Variants in CHM observed in about 807,000 individuals in gnomAD.
CHM encodes the protein rab proteins geranylgeranyltransferase component A 1.
In CHM, 10 loss-of-function variants were observed where a neutral mutation model predicts 49.0. The observed-to-expected ratio is 0.20, with a 90% CI of 0.13 to 0.35. The LOEUF is 0.35. CHM is among the 10% of genes least tolerant of loss of function. The probability of loss-of-function intolerance (pLI) is 1.00; values close to 1 mark genes in which losing one functional copy is unlikely to be tolerated. For synonymous variants in CHM, 184 were observed against 167.5 expected, an observed-to-expected ratio of 1.10 and a Z score of -0.76; for missense variants, 455 against 478.4, an observed-to-expected ratio of 0.95 and a Z score of 0.46.
rs778383247 is a variant in CHM, at chrX:85,981,603, T to G, written c.189+134A>C. On this transcript the variant is annotated intron_variant, in intron 3 of 14. Coordinates refer to ENST00000357749, the MANE Select transcript of CHM (RefSeq NM_000390.4). The stretch of plus-strand genomic sequence containing the variant: ...GCTAAAAAGGTGACTTTACATATTT[T>G]TTGTAAAATAAGTGAATAAAAATAA... 1.5e-4 allele frequency: 71 copies of G among 486,515 alleles called. No homozygotes were observed. In the South Asian group the frequency reaches 2.5e-3, roughly 17 times the overall value. The allele number at this position is 486,515 out of a possible 1,213,427, so 40.1% of individuals were successfully genotyped here. A position where few individuals can be genotyped will look rare whatever the true frequency, so the allele number is the denominator to read the frequency against.
chrX:85,927,364 A>G (rs1928156624), intron 8 of CHM, among the ~76,000 whole-genome samples: 1 of 112,022 alleles, frequency 8.9e-6, no homozygotes. Flanking sequence ...GTAAAAAAAT[A>G]CAAAACTCAG....
rs149195114 is a variant in CHM, at chrX:85,892,026, T to A, written c.1510+2162A>T. Among the ~76,000 whole-genome samples the A allele has an allele frequency of 9.4e-3, 1,050 of 111,854 alleles. 10 individuals carry two copies. Among genetic ancestry groups the A allele is most frequent in the African/African-American group, 0.031 (962 of 30,753 alleles). On this transcript the variant is annotated intron_variant, in intron 12 of 14. Coordinates refer to ENST00000357749, the MANE Select transcript of CHM (RefSeq NM_000390.4). ...TGCCCCGCTGGAATTTGGACTTGCA[T>A]GGGGCCTGTAAACCCTTTGTTTTGG...
intron 2 of CHM, among the ~76,000 whole-genome samples, chrX:85,992,890 G>A (rs1276334357): frequency 8.0e-5 from 9 of 112,149 alleles, no homozygotes; most frequent in Middle Eastern, 4.6e-3. Flanking sequence ...GGGCTGGAGA[G>A]AGATTTTCCT....
At position 85,899,691 on chromosome X, in the gene CHM, C is replaced by A. The variant is rs376362915; in HGVS notation, c.1413+955G>T. Among the ~76,000 whole-genome samples, 633 of 74,012 alleles carry A rather than the reference C, an allele frequency of 8.6e-3. 4 individuals are homozygous for A. Among genetic ancestry groups the A allele is most frequent in the African/African-American group, 0.017 (331 of 19,122 alleles). The allele number at this position is 74,012 out of a possible 115,157, so 64.3% of individuals were successfully genotyped here. ...AATGCTCTAAACCCACCCCCCGCCCCAAAAAAACCCCTAAAATCCAAGCAC... is the reference window on the plus strand; with the variant it reads ...AATGCTCTAAACCCACCCCCCGCCCAAAAAAAACCCCTAAAATCCAAGCAC... On this transcript the variant is annotated intron_variant, in intron 11 of 14. Coordinates refer to ENST00000357749, the MANE Select transcript of CHM (RefSeq NM_000390.4).
intron 9 of CHM, among the ~76,000 whole-genome samples, chrX:85,909,980 T>C (rs1249835027): frequency 8.9e-6 from 1 of 111,873 alleles, no homozygotes; most frequent in Non-Finnish European, 1.9e-5. Context: ...GATGTTAACA[T>C]CCTGGGCCTT....
At chrX:86,010,116 C>G (rs985306460) in intron 2 of CHM, among the ~76,000 whole-genome samples, 3 of 98,034 alleles carry the variant, frequency 3.1e-5, no homozygotes, top group African/African-American at 7.5e-5. Flanking sequence ...TGTTCTCACT[C>G]ATAAGTGGGA....
intron 4 of CHM, among the ~76,000 whole-genome samples, chrX:85,972,502 C>T (rs929966007): frequency 8.8e-6 from 1 of 113,202 alleles, no homozygotes; most frequent in Non-Finnish European, 1.9e-5. Context: ...AGGCCTGCCC[C>T]GTGGGAAGGC....
chrX:86,018,900 G>A (rs935765384), intron 2 of CHM, among the ~76,000 whole-genome samples: 1 of 112,145 alleles, frequency 8.9e-6, no homozygotes, highest in Admixed American at 9.5e-5. Flanking sequence ...GCAGAGGAGG[G>A]AGGTAGATAC....
chrX:86,027,418 ATG>A (rs750963251), intron 2 of CHM, 71 bp downstream of exon 2: 187 of 803,787 alleles, frequency 2.3e-4, no homozygotes, highest in Non-Finnish European at 3.3e-4. Flanking sequence ...ACAGACATAT[ATG>A]TGTTTATGTA....
At chrX:85,973,332 G>GAAAAAAAAAAAAAAA (rs1931073098) in intron 4 of CHM, among the ~76,000 whole-genome samples, 1 of 42,850 alleles carries the variant, frequency 2.3e-5, no homozygotes, top group African/African-American at 9.2e-5. Context: ...AAAAAAAAAA[G>GAAAAAAAAAAAAAAA]AAAGAAAGAA....
intron 4 of CHM, among the ~76,000 whole-genome samples, chrX:85,964,318 A>G (rs979616957): frequency 1.4e-4 from 16 of 111,146 alleles, no homozygotes; most frequent in African/African-American, 5.2e-4. Flanking sequence ...TCAGAATAAC[A>G]GATCTTGGTT....
At chrX:85,986,117 G>C (rs536532052) in intron 2 of CHM, among the ~76,000 whole-genome samples, 4 of 111,163 alleles carry the variant, frequency 3.6e-5, no homozygotes, top group African/African-American at 1.3e-4. Flanking sequence ...ATTTCCCATA[G>C]GTCACACCCA....
chrX:85,976,320 C>T lies in CHM; in HGVS notation c.314+2447G>A, dbSNP rs144395621. On this transcript the variant is annotated intron_variant, in intron 4 of 14. Transcript: ENST00000357749. ...TCCTTTATTATTCTACCAAGCAGCA[C>T]TTAAAATAGTAGCATGTTAGAGCCG... Among the ~76,000 whole-genome samples the T allele has an allele frequency of 1.4e-4, 16 of 112,009 alleles. No individual in the cohort carries two copies. In the East Asian group the frequency reaches 4.2e-3, roughly 30 times the overall value.
Position 85,885,621 on chromosome X carries a change from T to C in CHM, c.1511-6558A>G, listed in dbSNP as rs780332548. Among the ~76,000 whole-genome samples the C allele has an allele frequency of 2.7e-5, 3 of 111,462 alleles. No homozygotes were observed. In the East Asian group the frequency reaches 8.5e-4, roughly 31 times the overall value. On this transcript the variant is annotated intron_variant, in intron 12 of 14. Transcript: ENST00000357749. ...TGAGGTATGCGTACAAGTCACAAAG[T>C]CTCATTGGTCTATATTTTGATTATA...
intron 12 of CHM, among the ~76,000 whole-genome samples, chrX:85,880,813 C>T (rs1222879442): frequency 9.0e-6 from 1 of 111,244 alleles, no homozygotes; most frequent in Non-Finnish European, 1.9e-5. Flanking sequence ...TGCTTAGAGG[C>T]TACATTGTTA....
At chrX:85,976,139 C>T (rs1163225788) in intron 4 of CHM, among the ~76,000 whole-genome samples, 2 of 111,655 alleles carry the variant, frequency 1.8e-5, no homozygotes, top group Admixed American at 9.5e-5. Flanking sequence ...CATTATTTAA[C>T]TTTTGCCTGA....
chrX:85,931,335 C>T (rs986072831), intron 8 of CHM, among the ~76,000 whole-genome samples: 1 of 110,904 alleles, frequency 9.0e-6, no homozygotes, highest in Non-Finnish European at 1.9e-5. Flanking sequence ...AAACAGAACG[C>T]TATCCTTACC....
intron 1 of CHM, among the ~76,000 whole-genome samples, chrX:86,029,593 G>A (rs990462650): frequency 9.0e-6 from 1 of 111,608 alleles, no homozygotes; most frequent in African/African-American, 3.3e-5. Context: ...GAGGAAATAG[G>A]TTAAGAAAGG....
intron 13 of CHM, among the ~76,000 whole-genome samples, chrX:85,877,760 A>G (rs1211301100): frequency 9.0e-6 from 1 of 111,017 alleles, no homozygotes; most frequent in East Asian, 2.8e-4. Flanking sequence ...ATTAAAGAAC[A>G]GAACAGTTTG....
Sources: allele counts gnomAD v4.1 joint callset (sites outside exome capture counted in the v4.1 genomes callset), GRCh38; gene constraint gnomAD v4.1.1; transcripts MANE v1.5; gene names NCBI Gene and HGNC (gene_info 2026-07-23, HGNC 2026-07-21).